Variants in JAZF1 observed in about 807,000 individuals in gnomAD.
JAZF1 encodes the protein juxtaposed with another zinc finger protein 1.
JAZF1 carries 8 observed loss-of-function variants against 26.4 expected under a neutral mutation model. That is an observed-to-expected ratio of 0.30 (90% CI 0.18 to 0.55). JAZF1 has a LOEUF of 0.55. JAZF1 is among the 20% of genes least tolerant of loss of function. The probability of loss-of-function intolerance (pLI) is 0.94; values close to 1 mark genes in which losing one functional copy is unlikely to be tolerated. For synonymous variants in JAZF1, 126 were observed against 122.3 expected (o/e 1.03, Z -0.20); for missense variants, 199 against 322.0 (o/e 0.62, Z 2.92).
At chr7:28,140,452 G>C (rs1782945545) in intron 1 of JAZF1, among the ~76,000 whole-genome samples, 1 of 152,028 alleles carries the variant, frequency 6.6e-6, no homozygotes, top group Non-Finnish European at 1.5e-5. Context: ...AAAATATGAG[G>C]AAGGCTAACA....
intron 1 of JAZF1, among the ~76,000 whole-genome samples, chr7:28,031,155 A>T (rs1369847504): frequency 6.6e-6 from 1 of 152,206 alleles, no homozygotes; most frequent in Non-Finnish European, 1.5e-5. Flanking sequence ...TCTCCTTTGC[A>T]TCCTTTCTCT....
At chr7:28,029,462 A>G (rs1464686708) in intron 1 of JAZF1, among the ~76,000 whole-genome samples, 1 of 152,234 alleles carries the variant, frequency 6.6e-6, no homozygotes, top group Non-Finnish European at 1.5e-5. Flanking sequence ...AATCAAGCAC[A>G]GGCAACAGAA....
At chr7:28,093,955 T>C (rs932940412) in intron 1 of JAZF1, among the ~76,000 whole-genome samples, 12 of 152,214 alleles carry the variant, frequency 7.9e-5, no homozygotes, top group Non-Finnish European at 1.6e-4. Flanking sequence ...AACTTGACCC[T>C]CCCTCTTCAG....
chr7:28,159,321 T>C (rs181988792), intron 1 of JAZF1, among the ~76,000 whole-genome samples: 182 of 151,826 alleles, frequency 1.2e-3, no homozygotes, highest in African/African-American at 4.3e-3. Context: ...ATTCTAAAAA[T>C]TAAATTCATT....
chr7:28,058,320 G>T (rs1783747469), intron 1 of JAZF1, among the ~76,000 whole-genome samples: 1 of 152,176 alleles, frequency 6.6e-6, no homozygotes, highest in African/African-American at 2.4e-5. Context: ...AGAACCTGGG[G>T]TGGCCAGCCA....
intron 2 of JAZF1, among the ~76,000 whole-genome samples, chr7:27,928,814 G>A (rs1298069240): frequency 6.6e-6 from 1 of 152,124 alleles, no homozygotes; most frequent in Non-Finnish European, 1.5e-5. Context: ...GGAGGGAGAG[G>A]ATCAGGAAAA....
chr7:27,899,014 C>T (rs1467926398), intron 2 of JAZF1, among the ~76,000 whole-genome samples: 1 of 152,160 alleles, frequency 6.6e-6, no homozygotes, highest in Non-Finnish European at 1.5e-5. Flanking sequence ...CTGTGGGAAC[C>T]CTGGTTAAAA....
At chr7:28,136,904 G>A (rs778044940) in intron 1 of JAZF1, among the ~76,000 whole-genome samples, 35 of 152,194 alleles carry the variant, frequency 2.3e-4, no homozygotes, top group Non-Finnish European at 2.5e-4. Flanking sequence ...CCTGCAGGCC[G>A]CAGGGTGGAT....
At chr7:27,972,856 C>T (rs567926247) in intron 2 of JAZF1, among the ~76,000 whole-genome samples, 2,028 of 149,056 alleles carry the variant, frequency 0.014, 39 homozygotes, top group African/African-American at 0.047. Flanking sequence ...TATATATATA[C>T]ACACACATAT....
At chr7:27,943,489 C>A (rs1383331905) in intron 2 of JAZF1, among the ~76,000 whole-genome samples, 3 of 152,208 alleles carry the variant, frequency 2.0e-5, no homozygotes, top group African/African-American at 7.2e-5. Context: ...TCATTTCCGT[C>A]TGAAATAACG....
In JAZF1 at chr7:27,830,902, G is replaced by A. The variant is rs1782674263; in HGVS notation, c.*1898C>T. The A allele has an allele frequency of 4.6e-6, 1 of 215,822 alleles. No homozygotes were observed. The highest frequency in any genetic ancestry group is 6.9e-5 in the East Asian group (1 of 14,408). The allele number at this position is 215,822 out of a possible 1,614,324, so 13.4% of individuals were successfully genotyped here. Reference sequence around the variant, plus strand: ...TTGAAAGAAATTTAACATGCACAATGACTATTTTATGACTGTTTAGCTGTT... The same window carrying A: ...TTGAAAGAAATTTAACATGCACAATAACTATTTTATGACTGTTTAGCTGTT... On this transcript the variant is annotated 3_prime_UTR_variant, in exon 5 of 5. Transcript: ENST00000283928.
At chr7:27,908,273 AAGAT>A (rs76498795) in intron 2 of JAZF1, among the ~76,000 whole-genome samples, 2,221 of 152,328 alleles carry the variant, frequency 0.015, 36 homozygotes, top group East Asian at 0.091. Flanking sequence ...GCATTGTTGA[AAGAT>A]AGAGCAGAGT....
intron 1 of JAZF1, among the ~76,000 whole-genome samples, chr7:28,146,739 A>G (rs577800068): frequency 6.0e-4 from 91 of 152,168 alleles, no homozygotes; most frequent in African/African-American, 2.1e-3. Flanking sequence ...CACTAGTCAT[A>G]CTGTTGCTGT....
At chr7:27,994,186 C>A (rs1785965144) in intron 1 of JAZF1, among the ~76,000 whole-genome samples, 1 of 152,128 alleles carries the variant, frequency 6.6e-6, no homozygotes, top group Admixed American at 6.5e-5. Context: ...GTATCTTATA[C>A]AAATGTCTAC....
intron 1 of JAZF1, among the ~76,000 whole-genome samples, chr7:27,999,617 T>C (rs1356967495): frequency 6.6e-6 from 1 of 152,194 alleles, no homozygotes; most frequent in East Asian, 1.9e-4. Context: ...CATTGTACCA[T>C]ATATATTTGC....
At chr7:27,923,314 ACGT>A (rs1562530208) in intron 2 of JAZF1, among the ~76,000 whole-genome samples, 1 of 152,164 alleles carries the variant, frequency 6.6e-6, no homozygotes, top group Non-Finnish European at 1.5e-5. Flanking sequence ...CGAAATTAAA[ACGT>A]CGAGTTTCCA....
At chr7:28,161,191 T>G (rs1423625745) in intron 1 of JAZF1, among the ~76,000 whole-genome samples, 1 of 149,150 alleles carries the variant, frequency 6.7e-6, no homozygotes, top group Non-Finnish European at 1.5e-5. Context: ...TCAACAAATA[T>G]TAGCCATTAT....
intron 1 of JAZF1, among the ~76,000 whole-genome samples, chr7:28,073,834 T>A (rs1329254103): frequency 6.6e-6 from 1 of 152,092 alleles, no homozygotes; most frequent in Non-Finnish European, 1.5e-5. Context: ...AGTCTCATGA[T>A]TACATGGTCA....
At chr7:27,914,312 C>A (rs1161505059) in intron 2 of JAZF1, among the ~76,000 whole-genome samples, 2 of 152,112 alleles carry the variant, frequency 1.3e-5, no homozygotes, top group Admixed American at 6.6e-5. Flanking sequence ...TCAAATGCTG[C>A]TAACAGCCTG....
Sources: allele counts gnomAD v4.1 joint callset (sites outside exome capture counted in the v4.1 genomes callset), GRCh38; gene constraint gnomAD v4.1.1; transcripts MANE v1.5; gene names NCBI Gene and HGNC (gene_info 2026-07-23, HGNC 2026-07-21).